ROBO1: variants seen among roughly 807,000 people sequenced by gnomAD.
ROBO1 encodes roundabout guidance receptor 1.
Under a neutral mutation model 195.9 loss-of-function variants are expected in ROBO1, and 149 were observed. That is an observed-to-expected ratio of 0.76 (90% CI 0.67 to 0.87). The LOEUF is 0.87. Ranked by LOEUF, ROBO1 falls within the 40% of genes least tolerant of loss-of-function variation. The pLI, the probability that ROBO1 is intolerant of heterozygous loss-of-function variation, is 0.00. For missense variants in ROBO1, 1,933 were observed against 2,068.3 expected, an observed-to-expected ratio of 0.93 and a Z score of 1.27; for synonymous variants, 816 against 733.2, an observed-to-expected ratio of 1.11 and a Z score of -1.82.
At chr3:79,570,704 G>A (rs972353898) in intron 2 of ROBO1, among the ~76,000 whole-genome samples, 5 of 152,044 alleles carry the variant, frequency 3.3e-5, no homozygotes, top group East Asian at 3.8e-4. Flanking sequence ...AAAAACAATC[G>A]TGCTGTGTAT....
chr3:78,873,829 T>G (rs2107176362), intron 4 of ROBO1, among the ~76,000 whole-genome samples: 1 of 152,248 alleles, frequency 6.6e-6, no homozygotes, highest in South Asian at 2.1e-4. Flanking sequence ...AAGTTTACAC[T>G]TCAATTGTCT....
At chr3:79,442,869 T>G (rs919027087) in intron 2 of ROBO1, among the ~76,000 whole-genome samples, 1 of 152,168 alleles carries the variant, frequency 6.6e-6, no homozygotes, top group African/African-American at 2.4e-5. Context: ...AGGGAAAATA[T>G]GCAGGGTACT....
chr3:79,320,098 C>G (rs2033912150), intron 2 of ROBO1, among the ~76,000 whole-genome samples: 1 of 152,134 alleles, frequency 6.6e-6, no homozygotes, highest in Non-Finnish European at 1.5e-5. Context: ...GACATATAAG[C>G]AACAGAAAAT....
intron 2 of ROBO1, among the ~76,000 whole-genome samples, chr3:79,269,556 C>T (rs1331272134): frequency 1.3e-5 from 2 of 151,630 alleles, no homozygotes; most frequent in Non-Finnish European, 3.0e-5. Context: ...TGTAATGATA[C>T]TGTGAATATT....
intron 5 of ROBO1, among the ~76,000 whole-genome samples, chr3:78,745,809 TCTCA>T (rs1182211601): frequency 6.6e-6 from 1 of 152,196 alleles, no homozygotes; most frequent in African/African-American, 2.4e-5. Context: ...TCTCTACTTT[TCTCA>T]CTATTAATTT....
intron 2 of ROBO1, among the ~76,000 whole-genome samples, chr3:79,347,142 C>A (rs568275146): frequency 2.0e-4 from 30 of 152,164 alleles, no homozygotes; most frequent in African/African-American, 6.7e-4. Flanking sequence ...AGTATTTATA[C>A]CTAGGGGTTG....
At chr3:78,957,437 A>T (rs753588118) in intron 3 of ROBO1, among the ~76,000 whole-genome samples, 68 of 152,208 alleles carry the variant, frequency 4.5e-4, no homozygotes, top group Middle Eastern at 3.2e-3. Flanking sequence ...TAATCAATGC[A>T]TATGCACTTA....
At chr3:78,904,457 A>C (rs577295969) in intron 4 of ROBO1, among the ~76,000 whole-genome samples, 34 of 152,184 alleles carry the variant, frequency 2.2e-4, no homozygotes, top group African/African-American at 7.2e-4. Context: ...TATTAAGACT[A>C]TCCCTGGCAA....
At chr3:79,303,371 G>A (rs2033066553) in intron 2 of ROBO1, among the ~76,000 whole-genome samples, 1 of 151,956 alleles carries the variant, frequency 6.6e-6, no homozygotes, top group African/African-American at 2.4e-5. Flanking sequence ...TCGCCACGTT[G>A]GCCAGGCTGC....
intron 1 of ROBO1, among the ~76,000 whole-genome samples, chr3:79,692,758 A>G (rs1947332401): frequency 6.6e-6 from 1 of 151,884 alleles, no homozygotes; most frequent in African/African-American, 2.4e-5. Context: ...TCATATGACT[A>G]TCATTATTAA....
chr3:79,026,879 T>A (rs2078211656), intron 3 of ROBO1, among the ~76,000 whole-genome samples: 1 of 152,080 alleles, frequency 6.6e-6, no homozygotes, highest in Non-Finnish European at 1.5e-5. Flanking sequence ...TTTACAAAAC[T>A]GTTTAATGCT....
chr3:79,663,685 T>A (rs1169847732), intron 1 of ROBO1, among the ~76,000 whole-genome samples: 1 of 151,996 alleles, frequency 6.6e-6, no homozygotes, highest in Non-Finnish European at 1.5e-5. Flanking sequence ...TCTCTTCTAG[T>A]TCTGTAGCAC....
At chr3:79,758,711 G>A (rs891762868) in intron 1 of ROBO1, among the ~76,000 whole-genome samples, 2 of 152,106 alleles carry the variant, frequency 1.3e-5, no homozygotes, top group African/African-American at 4.8e-5. Flanking sequence ...GTTGAGGGAG[G>A]GTAAAGTGTA....
At chr3:78,638,716 T>A (rs908956321) in intron 22 of ROBO1, among the ~76,000 whole-genome samples, 5 of 151,532 alleles carry the variant, frequency 3.3e-5, no homozygotes, top group Non-Finnish European at 5.9e-5. Context: ...ACAAAAAAAA[T>A]TTTTTAAATT....
intron 1 of ROBO1, among the ~76,000 whole-genome samples, chr3:79,692,190 A>T (rs1449723192): frequency 6.6e-6 from 1 of 152,082 alleles, no homozygotes; most frequent in East Asian, 1.9e-4. Flanking sequence ...AAGAAATAAA[A>T]GTAACTATAC....
At chr3:79,210,424 C>A (rs2081948698) in intron 2 of ROBO1, among the ~76,000 whole-genome samples, 1 of 152,100 alleles carries the variant, frequency 6.6e-6, no homozygotes, top group South Asian at 2.1e-4. Flanking sequence ...GGAAAGGACA[C>A]CCTATTCAGT....
chr3:79,530,218 A>T (rs1290929938), intron 2 of ROBO1, among the ~76,000 whole-genome samples: 3 of 152,166 alleles, frequency 2.0e-5, no homozygotes, highest in Non-Finnish European at 4.4e-5. Flanking sequence ...ATTTCTGCCA[A>T]AGCGCTCATA....
At chr3:79,125,726 T>C (rs987560402) in intron 2 of ROBO1, among the ~76,000 whole-genome samples, 187 bp from the exon 3 acceptor site, 1 of 152,156 alleles carries the variant, frequency 6.6e-6, no homozygotes, top group Non-Finnish European at 1.5e-5. Flanking sequence ...CTCAGCATCA[T>C]GGTTTTTACA....
At chr3:79,657,146 T>C (rs1178128793) in intron 1 of ROBO1, among the ~76,000 whole-genome samples, 1 of 152,094 alleles carries the variant, frequency 6.6e-6, no homozygotes, top group Non-Finnish European at 1.5e-5. Context: ...TAAAACTACC[T>C]TATAAACACA....
Sources: allele counts gnomAD v4.1 joint callset (sites outside exome capture counted in the v4.1 genomes callset), GRCh38; gene constraint gnomAD v4.1.1; transcripts MANE v1.5; gene names NCBI Gene and HGNC (gene_info 2026-07-23, HGNC 2026-07-21).